The following KAZN variants were observed in gnomAD, a reference collection of about 807,000 sequenced individuals.
The protein encoded by KAZN is kazrin.
A neutral mutation model predicts 87.4 loss-of-function variants in KAZN; 40 were observed. The ratio of observed to expected loss-of-function variants is 0.46; its 90% CI spans 0.36 to 0.60. KAZN has a LOEUF of 0.60. KAZN is among the 20% of genes least tolerant of loss of function. KAZN has a pLI of 0.00. For synonymous variants in KAZN, 466 were observed against 458.3 expected (o/e 1.02, Z -0.22); for missense variants, 898 against 1,073.9 (o/e 0.84, Z 2.29).
intron 2 of KAZN, among the ~76,000 whole-genome samples, chr1:14,246,412 T>G (rs972512987): frequency 6.6e-6 from 1 of 152,230 alleles, no homozygotes; most frequent in African/African-American, 2.4e-5. Context: ...TATTAGCCTT[T>G]TATTAGTATT....
At chr1:13,915,110 T>G (rs1266690520) in intron 1 of KAZN, among the ~76,000 whole-genome samples, 1 of 152,206 alleles carries the variant, frequency 6.6e-6, no homozygotes, top group Non-Finnish European at 1.5e-5. Context: ...CACACATGCA[T>G]GTGTATACGT....
At chr1:14,690,531 A>G (rs1176004424) in intron 1 of KAZN, among the ~76,000 whole-genome samples, 1 of 152,080 alleles carries the variant, frequency 6.6e-6, no homozygotes, top group African/African-American at 2.4e-5. Flanking sequence ...GTGACAGCAG[A>G]GGGAAGGGTT....
chr1:14,126,711 C>T (rs1426251605), intron 1 of KAZN, among the ~76,000 whole-genome samples: 1 of 152,150 alleles, frequency 6.6e-6, no homozygotes. Flanking sequence ...GTGGGGTTGT[C>T]AATCAACCTT....
chr1:14,718,491 T>A lies in KAZN; in HGVS notation c.226+119268T>A, dbSNP rs1285174408. Among the ~76,000 whole-genome samples, 3 of 152,248 alleles carry A rather than the reference T, an allele frequency of 2.0e-5. No homozygotes were observed. The East Asian group carries it at 5.8e-4, about 29-fold the overall frequency. On this transcript the variant is annotated intron_variant, in intron 1 of 14. Coordinates refer to ENST00000376030, the MANE Select transcript of KAZN (RefSeq NM_201628.3). ...CCTTTTTGTAATAAAAGGAAGAGAA[T>A]TGCTGACAATTTTCACAAATTTAGG...
chr1:14,967,190 C>T (rs931448964), intron 2 of KAZN, among the ~76,000 whole-genome samples: 1 of 152,132 alleles, frequency 6.6e-6, no homozygotes, highest in African/African-American at 2.4e-5. Flanking sequence ...TCCCCATTTT[C>T]GTTTCCCTCC....
intron 2 of KAZN, among the ~76,000 whole-genome samples, chr1:14,405,006 T>G (rs1663712583): frequency 6.6e-6 from 1 of 152,212 alleles, no homozygotes; most frequent in African/African-American, 2.4e-5. Context: ...TTATGTTTTC[T>G]ACATTGCATT....
chr1:14,536,938 C>G (rs1014344149), intron 2 of KAZN, among the ~76,000 whole-genome samples: 2 of 152,070 alleles, frequency 1.3e-5, no homozygotes, highest in African/African-American at 2.4e-5. Context: ...CTTTGGTTCT[C>G]TCTTCCTTCC....
chr1:14,419,609 T>C (rs904338001), intron 2 of KAZN, among the ~76,000 whole-genome samples: 3 of 152,228 alleles, frequency 2.0e-5, no homozygotes, highest in Admixed American at 1.3e-4. Flanking sequence ...GTTACAGTTC[T>C]TAAAGGTAGT....
At chr1:14,379,462 G>T (rs994965122) in intron 2 of KAZN, among the ~76,000 whole-genome samples, 1 of 152,042 alleles carries the variant, frequency 6.6e-6, no homozygotes, top group African/African-American at 2.4e-5. Flanking sequence ...TTCAGGCCTT[G>T]GCTCTTAGAC....
At chr1:14,283,315 T>C (rs1189667480) in intron 2 of KAZN, among the ~76,000 whole-genome samples, 2 of 152,178 alleles carry the variant, frequency 1.3e-5, no homozygotes, top group Admixed American at 1.3e-4. Context: ...ACAAACATGT[T>C]CTTAATTCTA....
intron 1 of KAZN, among the ~76,000 whole-genome samples, chr1:14,663,132 G>C (rs1379146293): frequency 1.3e-5 from 2 of 151,608 alleles, no homozygotes; most frequent in Non-Finnish European, 2.9e-5. Flanking sequence ...CACCATGCCT[G>C]GCCAGTTTTA....
chr1:14,018,840 A>G (rs563925632), intron 1 of KAZN, among the ~76,000 whole-genome samples: 1 of 152,236 alleles, frequency 6.6e-6, no homozygotes, highest in African/African-American at 2.4e-5. Flanking sequence ...ACTAAGAATG[A>G]CACCATTAGC....
chr1:14,986,383 A>G (rs77093669), intron 2 of KAZN, among the ~76,000 whole-genome samples: 3,465 of 152,324 alleles, frequency 0.023, 92 homozygotes, highest in East Asian at 0.09. Flanking sequence ...GCACTGGCCA[A>G]GCTCTGGGAA....
intron 1 of KAZN, among the ~76,000 whole-genome samples, chr1:14,682,782 C>G (rs144020173): frequency 2.6e-5 from 4 of 152,302 alleles, no homozygotes; most frequent in Admixed American, 6.5e-5. Flanking sequence ...TCATGACACT[C>G]TAGACCCAGG....
At chr1:14,158,041 G>T (rs1389946508) in intron 1 of KAZN, among the ~76,000 whole-genome samples, 3 of 152,294 alleles carry the variant, frequency 2.0e-5, no homozygotes, top group African/African-American at 7.2e-5. Context: ...TTTGAGATGA[G>T]ATTTGGATGG....
intron 1 of KAZN, among the ~76,000 whole-genome samples, chr1:13,972,529 G>A (rs1021062435): frequency 2.6e-5 from 4 of 152,142 alleles, no homozygotes; most frequent in African/African-American, 7.2e-5. Context: ...AGAGCTCTAT[G>A]ATCCATGATT....
chr1:15,027,167 C>T (rs574660060), intron 2 of KAZN, among the ~76,000 whole-genome samples: 1 of 144,404 alleles, frequency 6.9e-6, no homozygotes, highest in South Asian at 2.2e-4. Context: ...CTGCAAGCTC[C>T]GCCTCCCGGG....
At chr1:14,240,839 G>T (rs921025588) in intron 2 of KAZN, among the ~76,000 whole-genome samples, 1 of 152,234 alleles carries the variant, frequency 6.6e-6, no homozygotes, top group East Asian at 1.9e-4. Context: ...ACTTCTGTTG[G>T]CTCAGGGGCT....
intron 1 of KAZN, among the ~76,000 whole-genome samples, chr1:13,996,197 G>C (rs932591651): frequency 1.3e-5 from 2 of 152,164 alleles, no homozygotes; most frequent in Non-Finnish European, 2.9e-5. Flanking sequence ...CCACAGAACT[G>C]TACAACTCAC....
Sources: allele counts gnomAD v4.1 joint callset (sites outside exome capture counted in the v4.1 genomes callset), GRCh38; gene constraint gnomAD v4.1.1; transcripts MANE v1.5; gene names NCBI Gene and HGNC (gene_info 2026-07-23, HGNC 2026-07-21).